ARHGAP12: variants seen among roughly 807,000 people sequenced by gnomAD.
ARHGAP12 encodes the protein rho GTPase-activating protein 12.
Under a neutral mutation model 108.6 loss-of-function variants are expected in ARHGAP12, and 64 were observed. The observed-to-expected ratio is 0.59, with a 90% CI of 0.48 to 0.73. ARHGAP12 has a LOEUF of 0.73. ARHGAP12 is among the 30% of genes least tolerant of loss of function. ARHGAP12 has a pLI of 0.00. For synonymous variants in ARHGAP12, 312 were observed against 337.2 expected, an observed-to-expected ratio of 0.93 and a Z score of 0.82; for missense variants, 940 against 1,005.9, an observed-to-expected ratio of 0.93 and a Z score of 0.89.
At chr10:31,836,037 T>C (rs1049414832) in intron 9 of ARHGAP12, among the ~76,000 whole-genome samples, 1 of 152,206 alleles carries the variant, frequency 6.6e-6, no homozygotes, top group Admixed American at 6.5e-5. Context: ...ATAAAATTTT[T>C]AAAGAGTCAA....
chr10:31,901,180 C>A (rs1468362654), intron 3 of ARHGAP12, among the ~76,000 whole-genome samples: 2 of 148,922 alleles, frequency 1.3e-5, no homozygotes, highest in African/African-American at 2.5e-5. Context: ...TGCGCCACTG[C>A]ACTCCACTCT....
intron 3 of ARHGAP12, among the ~76,000 whole-genome samples, chr10:31,882,969 G>C (rs1177366145): frequency 6.6e-6 from 1 of 151,510 alleles, no homozygotes; most frequent in Non-Finnish European, 1.5e-5. Context: ...TGTCCCTCAA[G>C]AAAACTGATT....
rs1316885859 is a variant in ARHGAP12, at chr10:31,908,161, T to C, written c.684+11A>G. ...TGGTACAGTGTTTCCTCATTCTATT[T>C]TTAATCTTACCCTTATCTGTTCAGT... On this transcript the variant is annotated intron_variant, in intron 3 of 19. Coordinates refer to ENST00000344936, the MANE Select transcript of ARHGAP12 (RefSeq NM_018287.7). 1 of 1,550,930 alleles carries C rather than the reference T, an allele frequency of 6.4e-7. No homozygotes were observed. The highest frequency in any genetic ancestry group is 1.4e-5 in the African/African-American group (1 of 72,312).
At chr10:31,830,364 A>C (rs1835788729) in intron 10 of ARHGAP12, among the ~76,000 whole-genome samples, 1 of 152,178 alleles carries the variant, frequency 6.6e-6, no homozygotes, top group African/African-American at 2.4e-5. Context: ...AATTGAAAAA[A>C]GTATTCCAAA....
intron 1 of ARHGAP12, among the ~76,000 whole-genome samples, chr10:31,921,186 C>G (rs1839789962): frequency 6.6e-6 from 1 of 151,936 alleles, no homozygotes; most frequent in East Asian, 1.9e-4. Context: ...CTAAGGGAGG[C>G]TGAGGTAAGA....
intron 2 of ARHGAP12, among the ~76,000 whole-genome samples, chr10:31,910,073 T>C (rs1266687630): frequency 6.6e-6 from 1 of 152,124 alleles, no homozygotes; most frequent in Non-Finnish European, 1.5e-5. Context: ...GGTTCTCCCC[T>C]GGAGCCTTCC....
intron 3 of ARHGAP12, among the ~76,000 whole-genome samples, chr10:31,890,509 T>G (rs1019949225): frequency 6.6e-6 from 1 of 152,318 alleles, no homozygotes; most frequent in Middle Eastern, 3.4e-3. Flanking sequence ...ACTTTAGACA[T>G]GCTCTAAGCA....
chr10:31,886,478 A>C (rs912184320), intron 3 of ARHGAP12, among the ~76,000 whole-genome samples: 2 of 152,190 alleles, frequency 1.3e-5, no homozygotes, highest in East Asian at 1.9e-4. Context: ...TTTTAATCAT[A>C]GATTTAAGCA....
chr10:31,875,325 C>T (rs1345105661), intron 3 of ARHGAP12, among the ~76,000 whole-genome samples: 3 of 151,938 alleles, frequency 2.0e-5, no homozygotes, highest in African/African-American at 4.8e-5. Flanking sequence ...TAAAGTTTAC[C>T]CAGAAAAAGT....
chr10:31,823,577 C>A (rs543602350), intron 11 of ARHGAP12, among the ~76,000 whole-genome samples: 5 of 152,044 alleles, frequency 3.3e-5, no homozygotes, highest in Admixed American at 6.6e-5. Flanking sequence ...TGAGTACCTG[C>A]CCTGGAGTGA....
intron 3 of ARHGAP12, among the ~76,000 whole-genome samples, chr10:31,895,954 C>A (rs1006648510): frequency 2.0e-5 from 3 of 152,062 alleles, no homozygotes; most frequent in African/African-American, 7.2e-5. Flanking sequence ...ATGGATGAAG[C>A]TGGAAACCAT....
chr10:31,882,167 G>A (rs1181040950), intron 3 of ARHGAP12, among the ~76,000 whole-genome samples: 1 of 152,080 alleles, frequency 6.6e-6, no homozygotes, highest in Non-Finnish European at 1.5e-5. Context: ...GCCCGCCTCG[G>A]CCTCCCAAAG....
At chr10:31,855,445 C>G (rs990905787) in intron 4 of ARHGAP12, among the ~76,000 whole-genome samples, 1 of 152,132 alleles carries the variant, frequency 6.6e-6, no homozygotes, top group Non-Finnish European at 1.5e-5. Context: ...ATAATTTGGT[C>G]TGAAACACTA....
chr10:31,860,225 T>C (rs1000962636), intron 4 of ARHGAP12, among the ~76,000 whole-genome samples: 9 of 152,232 alleles, frequency 5.9e-5, no homozygotes, highest in African/African-American at 2.2e-4. Context: ...CAAAAAGCTT[T>C]TGGGAGTCTG....
intron 5 of ARHGAP12, among the ~76,000 whole-genome samples, 188 bp from the exon 6 acceptor site, chr10:31,852,785 T>C (rs1252024629): frequency 7.1e-6 from 1 of 140,160 alleles, no homozygotes; most frequent in Non-Finnish European, 1.5e-5. Context: ...TGGCACCATC[T>C]CGGCTCACCA....
At chr10:31,818,744 T>C (rs1456954406) in intron 12 of ARHGAP12, among the ~76,000 whole-genome samples, 2 of 152,162 alleles carry the variant, frequency 1.3e-5, no homozygotes, top group Admixed American at 1.3e-4. Context: ...AAATACTGGA[T>C]TGAAGAAAAT....
At chr10:31,821,472 A>C (rs1835414477) in intron 11 of ARHGAP12, among the ~76,000 whole-genome samples, 1 of 152,218 alleles carries the variant, frequency 6.6e-6, no homozygotes, top group African/African-American at 2.4e-5. Flanking sequence ...TGTAATCTAA[A>C]GATCATAAAA....
chr10:31,822,586 C>A (rs1028736471), intron 11 of ARHGAP12, among the ~76,000 whole-genome samples: 2 of 152,080 alleles, frequency 1.3e-5, no homozygotes, highest in African/African-American at 4.8e-5. Context: ...AAGATGAATG[C>A]TTTATAGAAT....
intron 4 of ARHGAP12, among the ~76,000 whole-genome samples, chr10:31,857,118 ATCAT>A (rs1836916413): frequency 6.6e-6 from 1 of 152,200 alleles, no homozygotes. Context: ...TCTGATTCAA[ATCAT>A]TCATACGCAC....
Sources: allele counts gnomAD v4.1 joint callset (sites outside exome capture counted in the v4.1 genomes callset), GRCh38; gene constraint gnomAD v4.1.1; transcripts MANE v1.5; gene names NCBI Gene and HGNC (gene_info 2026-07-23, HGNC 2026-07-21).